Variants in HEATR5A observed in about 807,000 individuals in gnomAD.
HEATR5A encodes HEAT repeat containing 5A, also known as HEAT repeat-containing protein 5A.
A neutral mutation model predicts 218.8 loss-of-function variants in HEATR5A; 178 were observed. That is an observed-to-expected ratio of 0.81 (90% CI 0.72 to 0.92). The LOEUF (loss-of-function observed/expected upper bound fraction) is 0.92, where lower values mean the gene tolerates loss of function less well. HEATR5A is among the 40% of genes least tolerant of loss of function. The probability of loss-of-function intolerance (pLI) is 0.00; values close to 1 mark genes in which losing one functional copy is unlikely to be tolerated. For synonymous variants in HEATR5A, 864 were observed against 871.6 expected (o/e 0.99, Z 0.15); for missense variants, 2,420 against 2,418.9 (o/e 1.00, Z -0.01).
chr14:31,331,810 C>T (rs1046766851), intron 22 of HEATR5A, among the ~76,000 whole-genome samples: 1 of 152,130 alleles, frequency 6.6e-6, no homozygotes, highest in Non-Finnish European at 1.5e-5. Context: ...ACTGAAGGGG[C>T]AAGAGCCCCT....
intron 22 of HEATR5A, among the ~76,000 whole-genome samples, chr14:31,331,097 C>T (rs990879367): frequency 2.0e-5 from 3 of 151,580 alleles, no homozygotes; most frequent in East Asian, 4.0e-4. Context: ...GCCACCACCA[C>T]GCATGGCTAA....
At chr14:31,392,889 T>G (rs2030505206) in intron 6 of HEATR5A, among the ~76,000 whole-genome samples, 1 of 152,224 alleles carries the variant, frequency 6.6e-6, no homozygotes, top group Non-Finnish European at 1.5e-5. Flanking sequence ...GCAGAACTCC[T>G]TAGAGAAATG....
intron 21 of HEATR5A, 119 bp from the exon 22 acceptor site, chr14:31,337,733 A>G (rs1249969662): frequency 5.4e-6 from 4 of 745,090 alleles, no homozygotes; most frequent in African/African-American, 1.8e-5. Flanking sequence ...GGCTGGACAC[A>G]ATTTATAAAT....
chr14:31,325,535 G>T (rs1167018542), intron 23 of HEATR5A, among the ~76,000 whole-genome samples: 1 of 151,706 alleles, frequency 6.6e-6, no homozygotes, highest in African/African-American at 2.4e-5. Flanking sequence ...TAGAGACAGG[G>T]TTTCACTCTG....
In HEATR5A at chr14:31,293,351, C is replaced by CTCTT. The variant is rs762342261; in HGVS notation, c.6091_6094dup (p.Ser2032LysfsTer23). On this transcript the variant is annotated frameshift_variant, in exon 36 of 36. Coordinates refer to ENST00000543095, the MANE Select transcript of HEATR5A (RefSeq NM_015473.4). LOFTEE classifies it high-confidence loss of function. ...TTGGATGCTTGAGTTTTTTCCAGGA[C>CTCTT]TCTTAGTATATTTAGATGTTGGTAT... is the stretch of plus-strand genomic sequence containing the variant. 7.5e-6 allele frequency: 12 copies of CTCTT among 1,608,454 alleles called. No individual in the cohort carries two copies. The highest frequency in any genetic ancestry group is 1.0e-5 in the Non-Finnish European group (12 of 1,178,522).
chr14:31,293,300 A>G lies in HEATR5A; in HGVS notation c.*5T>C, dbSNP rs369998400. 1 of 1,573,834 alleles carries G rather than the reference A, an allele frequency of 6.4e-7. No individual in the cohort carries two copies. Among genetic ancestry groups the G allele is most frequent in the African/African-American group, 1.4e-5 (1 of 72,358 alleles). On this transcript the variant is annotated 3_prime_UTR_variant, in exon 36 of 36. Transcript: ENST00000543095. ...ATTAAGGTGCTTACTATTCCAAAAA[A>G]AAAATCAGAGGAAACTGGTCTTTAA... is the stretch of plus-strand genomic sequence containing the variant.
At chr14:31,416,893 G>C (rs899878033) in intron 1 of HEATR5A, among the ~76,000 whole-genome samples, 39 of 151,974 alleles carry the variant, frequency 2.6e-4, no homozygotes, top group Non-Finnish European at 4.4e-4. Flanking sequence ...CTTGAGCCCA[G>C]GAGTTCGAGA....
chr14:31,350,100 CAAAT>C, intron 17 of HEATR5A, 121 bp from the exon 18 acceptor site: 1 of 549,512 alleles, frequency 1.8e-6, no homozygotes, highest in Non-Finnish European at 3.0e-6. Flanking sequence ...TACTTAAAAA[CAAAT>C]AAGAACACAA....
chr14:31,400,422 C>A lies in HEATR5A; in HGVS notation c.217G>T (p.Ala73Ser). Residue 73 changes from alanine (A) to serine (S), a missense_variant, in exon 3 of 36, where the codon GCT (alanine) becomes TCT (serine). Coordinates refer to ENST00000543095, the MANE Select transcript of HEATR5A (RefSeq NM_015473.4). ...CTATAAAGTATGGCTAGATTCTTAG[C>A]AAGCAGTTTGCGGGTAGGAGGCCCT... ...SPGPPTRKLL[A>S]KNLAILYSIG... 1 of 1,535,860 alleles carries A rather than the reference C, an allele frequency of 6.5e-7. No individual in the cohort carries two copies. Among genetic ancestry groups the A allele is most frequent in the Non-Finnish European group, 8.7e-7 (1 of 1,146,804 alleles).
intron 21 of HEATR5A, 122 bp downstream of exon 21, chr14:31,343,774 A>T (rs2139205091): frequency 1.4e-6 from 1 of 693,806 alleles, no homozygotes; most frequent in East Asian, 3.2e-5. Flanking sequence ...ACTGAGGGGA[A>T]ATAGCTACGT....
At chr14:31,303,418 G>A (rs1899452672) in intron 32 of HEATR5A, among the ~76,000 whole-genome samples, 1 of 152,024 alleles carries the variant, frequency 6.6e-6, no homozygotes, top group Non-Finnish European at 1.5e-5. Context: ...GGGTGACACA[G>A]TAAGACTCCA....
At chr14:31,317,049 G>A (rs572160752) in intron 26 of HEATR5A, among the ~76,000 whole-genome samples, 81 of 152,068 alleles carry the variant, frequency 5.3e-4, no homozygotes, top group Middle Eastern at 3.4e-3. Flanking sequence ...TTTAGTTCTT[G>A]TCTCATCTCA....
intron 9 of HEATR5A, among the ~76,000 whole-genome samples, chr14:31,384,354 G>A (rs2030117934): frequency 1.3e-5 from 2 of 151,692 alleles, no homozygotes; most frequent in South Asian, 4.2e-4. Flanking sequence ...TGAGGTGGGA[G>A]GATCGCTTGA....
chr14:31,362,500 T>C (rs111753969), intron 14 of HEATR5A, among the ~76,000 whole-genome samples: 95 of 148,928 alleles, frequency 6.4e-4, no homozygotes, highest in African/African-American at 2.3e-3. Flanking sequence ...CAGTGGCTCA[T>C]GACTGTAATC....
At chr14:31,343,849 G>T (rs369945370) in intron 21 of HEATR5A, 47 bp downstream of exon 21, 2 of 1,422,924 alleles carry the variant, frequency 1.4e-6, no homozygotes, top group African/African-American at 2.9e-5. Flanking sequence ...ATAAATCTAA[G>T]ATTCAAATAA....
At chr14:31,344,268 C>CTTATTTTTTTTTTT (rs1900942273) in intron 20 of HEATR5A, among the ~76,000 whole-genome samples, 1 of 50,812 alleles carries the variant, frequency 2.0e-5, no homozygotes, top group Non-Finnish European at 3.7e-5. Flanking sequence ...ATTAGTTATT[C>CTTATTTTTTTTTTT]TTTTTTTTTT....
At position 31,293,463 on chromosome 14, in the gene HEATR5A, A is replaced by G. The variant is rs768255035; in HGVS notation, c.5983T>C (p.Phe1995Leu). ...MQIGPQYSSV[F>L]KSLVASSPAL... ...GGAGAAGAAGCCACTAAACTTTTAA[A>G]AACAGATGAATACTGAGGTCCAATT... is the stretch of plus-strand genomic sequence containing the variant. Residue 1995 changes from phenylalanine (F) to leucine (L), a missense_variant, in exon 36 of 36, where the codon TTT becomes CTT. Coordinates refer to ENST00000543095, the MANE Select transcript of HEATR5A (RefSeq NM_015473.4). 1 of 1,614,000 alleles carries G rather than the reference A, an allele frequency of 6.2e-7. No homozygotes were observed. The highest frequency in any genetic ancestry group is 1.1e-5 in the South Asian group (1 of 91,086).
intron 4 of HEATR5A, among the ~76,000 whole-genome samples, chr14:31,396,493 C>T (rs965440269): frequency 6.6e-6 from 1 of 152,094 alleles, no homozygotes; most frequent in Non-Finnish European, 1.5e-5. Context: ...TAATGTTTTA[C>T]TAAATGCCTC....
intron 34 of HEATR5A, chr14:31,295,557 CTTTTTTTTTT>C (rs766889885): frequency 2.9e-4 from 31 of 108,560 alleles, no homozygotes; most frequent in South Asian, 3.1e-4. Context: ...GCCTCCCTTT[CTTTTTTTTTT>C]TTTTTTTTTT....
Sources: allele counts gnomAD v4.1 joint callset (sites outside exome capture counted in the v4.1 genomes callset), GRCh38; gene constraint gnomAD v4.1.1; transcripts MANE v1.5; gene names NCBI Gene and HGNC (gene_info 2026-07-23, HGNC 2026-07-21).